The following COL24A1 variants were observed in gnomAD, a reference collection of about 807,000 sequenced individuals.
The protein encoded by COL24A1 is collagen type XXIV alpha 1 chain.
COL24A1 carries 224 observed loss-of-function variants against 253.9 expected under a neutral mutation model. That is an observed-to-expected ratio of 0.88 (90% CI 0.79 to 0.99). COL24A1 has a LOEUF of 0.99. Ranked by LOEUF, COL24A1 falls within the 50% of genes least tolerant of loss-of-function variation. The pLI, the probability that COL24A1 is intolerant of heterozygous loss-of-function variation, is 0.00. For synonymous variants in COL24A1, 685 were observed against 673.7 expected (o/e 1.02, Z -0.26); for missense variants, 2,131 against 2,068.5 (o/e 1.03, Z -0.59).
chr1:85,886,436 C>G (rs1009908052), intron 32 of COL24A1, among the ~76,000 whole-genome samples: 2 of 151,360 alleles, frequency 1.3e-5, no homozygotes, highest in African/African-American at 4.8e-5. Flanking sequence ...GAGGCAGAGG[C>G]GGGTGGATCA....
chr1:85,805,803 C>T (rs545625708), intron 47 of COL24A1, among the ~76,000 whole-genome samples: 4 of 152,176 alleles, frequency 2.6e-5, no homozygotes, highest in East Asian at 3.9e-4. Context: ...AGGCCGGGCG[C>T]GGTGGCTCAC....
At chr1:85,911,482 T>G in intron 24 of COL24A1, 49 bp from the exon 25 acceptor site, 1 of 1,388,684 alleles carries the variant, frequency 7.2e-7, no homozygotes, top group Non-Finnish European at 1.0e-6. Flanking sequence ...TGTATTGCTA[T>G]TGTAGTGCCT....
chr1:86,139,292 C>T (rs2102373946), intron 2 of COL24A1, among the ~76,000 whole-genome samples: 1 of 152,030 alleles, frequency 6.6e-6, no homozygotes, highest in South Asian at 2.1e-4. Flanking sequence ...TGACTCATAA[C>T]CAAGTCTTTG....
At chr1:85,921,455 G>A (rs889421828) in intron 24 of COL24A1, among the ~76,000 whole-genome samples, 2 of 152,158 alleles carry the variant, frequency 1.3e-5, no homozygotes, top group Non-Finnish European at 2.9e-5. Flanking sequence ...GCCCCTCTGG[G>A]ATGAAGCTTC....
intron 58 of COL24A1, chr1:85,736,339 G>A (rs965897333): frequency 4.4e-6 from 2 of 456,262 alleles, no homozygotes; most frequent in Non-Finnish European, 8.8e-6. Context: ...GAAACAACTA[G>A]AGTCCGCTTC....
intron 7 of COL24A1, among the ~76,000 whole-genome samples, chr1:86,087,608 G>A (rs1703161360): frequency 1.3e-5 from 2 of 152,158 alleles, no homozygotes; most frequent in South Asian, 4.1e-4. Context: ...TTATTCTTCT[G>A]TCATGTACAG....
At chr1:86,123,475 C>A (rs1948962) in intron 3 of COL24A1, among the ~76,000 whole-genome samples, 113,869 of 151,848 alleles carry the variant, frequency 0.75, 42,705 homozygotes, top group Middle Eastern at 0.82. Context: ...GAAATATAAG[C>A]TTTTTCTGAG....
chr1:85,975,796 C>T (rs1319174254), intron 20 of COL24A1, among the ~76,000 whole-genome samples: 2 of 152,144 alleles, frequency 1.3e-5, no homozygotes, highest in African/African-American at 4.8e-5. Context: ...ACTGTGAGTT[C>T]CCAAAGTGTG....
intron 24 of COL24A1, among the ~76,000 whole-genome samples, chr1:85,948,573 CT>C (rs1689575275): frequency 7.0e-6 from 1 of 143,272 alleles, no homozygotes; most frequent in South Asian, 2.3e-4. Flanking sequence ...TATCCTGTTT[CT>C]TATATTATAA....
At chr1:85,778,892 C>G (rs901724091) in intron 52 of COL24A1, among the ~76,000 whole-genome samples, 1 of 152,208 alleles carries the variant, frequency 6.6e-6, no homozygotes, top group South Asian at 2.1e-4. Flanking sequence ...GCATGAGCCA[C>G]TGCGCTTGGC....
intron 24 of COL24A1, among the ~76,000 whole-genome samples, chr1:85,925,431 G>A (rs1419638650): frequency 6.6e-6 from 1 of 152,044 alleles, no homozygotes; most frequent in Non-Finnish European, 1.5e-5. Context: ...TATACTACAA[G>A]GCTACAGTAA....
intron 19 of COL24A1, among the ~76,000 whole-genome samples, chr1:86,012,647 C>T (rs1698735): frequency 0.31 from 47,335 of 151,922 alleles, 7,893 homozygotes; most frequent in Middle Eastern, 0.51. Flanking sequence ...ACTGTTTCTC[C>T]CCACAGTCTT....
intron 55 of COL24A1, among the ~76,000 whole-genome samples, chr1:85,748,085 T>G (rs937694327): frequency 6.6e-6 from 1 of 152,242 alleles, no homozygotes; most frequent in African/African-American, 2.4e-5. Flanking sequence ...TGTCAAATCC[T>G]CAGTGATAAA....
At chr1:86,010,480 G>A (rs1397756859) in intron 19 of COL24A1, among the ~76,000 whole-genome samples, 3 of 152,082 alleles carry the variant, frequency 2.0e-5, no homozygotes, top group Non-Finnish European at 4.4e-5. Context: ...GTCACTTATA[G>A]TGAGAAAAAT....
Position 85,734,757 on chromosome 1 carries a change from C to T in COL24A1, c.4990G>A (p.Asp1664Asn). ...TLLEPKVLSDDCKIQDGSWHK... is the reference protein window; with the variant it reads ...TLLEPKVLSDNCKIQDGSWHK... ...AAGTGCCATTTCCTTACCTTGCAGT[C>T]ATCTGAAAGCACTTTAGGTTCAAGT... The change falls in exon 59 of 60, where the codon GAC (aspartate) becomes AAC (asparagine). Residue 1664 changes from aspartate (D) to asparagine (N), a missense_variant. Asp to Asn is a conservative substitution (Grantham distance 23). Transcript: ENST00000370571. 1 of 1,613,794 alleles carries T rather than the reference C, an allele frequency of 6.2e-7. No individual in the cohort carries two copies. The highest frequency in any genetic ancestry group is 8.5e-7 in the Non-Finnish European group (1 of 1,179,694).
At chr1:86,003,900 G>A (rs1695681947) in intron 19 of COL24A1, among the ~76,000 whole-genome samples, 1 of 152,156 alleles carries the variant, frequency 6.6e-6, no homozygotes, top group Admixed American at 6.5e-5. Context: ...CATATACCAT[G>A]AAGGAGGTTA....
chr1:86,002,191 T>A (rs560360650), intron 19 of COL24A1, among the ~76,000 whole-genome samples: 1 of 152,336 alleles, frequency 6.6e-6, no homozygotes, highest in African/African-American at 2.4e-5. Flanking sequence ...TCTATGACTG[T>A]CAGTCACATT....
At chr1:85,907,693 C>T (rs1021315977) in intron 27 of COL24A1, among the ~76,000 whole-genome samples, 32 of 151,794 alleles carry the variant, frequency 2.1e-4, no homozygotes, top group Admixed American at 1.7e-3. Context: ...TATAAAAATG[C>T]CACAAAATGT....
intron 24 of COL24A1, among the ~76,000 whole-genome samples, chr1:85,918,673 A>G (rs1686152604): frequency 6.6e-6 from 1 of 152,212 alleles, no homozygotes; most frequent in Admixed American, 6.5e-5. Context: ...AGGTATTTAA[A>G]GCTGAGGTCT....
Sources: allele counts gnomAD v4.1 joint callset (sites outside exome capture counted in the v4.1 genomes callset), GRCh38; gene constraint gnomAD v4.1.1; transcripts MANE v1.5; gene names NCBI Gene and HGNC (gene_info 2026-07-23, HGNC 2026-07-21).